WLS: variants seen among roughly 807,000 people sequenced by gnomAD.
The protein encoded by WLS is protein wntless homolog.
Under a neutral mutation model 62.8 loss-of-function variants are expected in WLS, and 23 were observed. That is an observed-to-expected ratio of 0.37 (90% CI 0.26 to 0.52). The LOEUF (loss-of-function observed/expected upper bound fraction) is 0.52, where lower values mean the gene tolerates loss of function less well. WLS is among the 20% of genes least tolerant of loss of function. WLS has a pLI of 0.92. For synonymous variants in WLS, 246 were observed against 244.1 expected (o/e 1.01, Z -0.07); for missense variants, 615 against 697.3 (o/e 0.88, Z 1.33).
At chr1:68,194,320 C>G (rs1648542231) in intron 1 of WLS, 93 bp from the exon 2 acceptor site, 3 of 1,467,594 alleles carry the variant, frequency 2.0e-6, no homozygotes, top group East Asian at 2.4e-5. Context: ...TTCCCTCCAG[C>G]TTTTGTATCG....
intron 11 of WLS, among the ~76,000 whole-genome samples, chr1:68,102,426 T>G (rs951251820): frequency 1.1e-4 from 17 of 152,116 alleles, no homozygotes; most frequent in Non-Finnish European, 2.2e-4. Flanking sequence ...GGTTGATGTC[T>G]CTCTTCTTGC....
chr1:68,142,326 A>G (rs1646697515), intron 10 of WLS, among the ~76,000 whole-genome samples: 1 of 152,172 alleles, frequency 6.6e-6, no homozygotes, highest in South Asian at 2.1e-4. Flanking sequence ...TCCTAAAAAC[A>G]TATCTTGAAA....
rs61044510 is a variant in WLS at position 68,106,982 on chromosome 1, G to A, written c.1511-8229C>T. Among the ~76,000 whole-genome samples, 710 of 152,198 alleles carry A rather than the reference G, an allele frequency of 4.7e-3. 3 individuals are homozygous for A. The highest frequency in any genetic ancestry group is 0.015 in the African/African-American group (630 of 41,538). ...TGCATTTGAACGTGTATATTCCAATGTTTTCTGCTTTTAAATTTAAAAGCT... is the reference window on the plus strand; with the variant it reads ...TGCATTTGAACGTGTATATTCCAATATTTTCTGCTTTTAAATTTAAAAGCT... On this transcript the variant is annotated intron_variant, in intron 11 of 11. Transcript: ENST00000354777.
intron 3 of WLS, among the ~76,000 whole-genome samples, chr1:68,156,183 G>A (rs1011536331): frequency 6.6e-6 from 1 of 152,132 alleles, no homozygotes; most frequent in Non-Finnish European, 1.5e-5. Context: ...TCAGCAGGCC[G>A]GGACTTTTCC....
intron 11 of WLS, among the ~76,000 whole-genome samples, chr1:68,112,090 G>T (rs1427619029): frequency 6.6e-6 from 1 of 152,232 alleles, no homozygotes; most frequent in African/African-American, 2.4e-5. Context: ...TTCGCTGGCT[G>T]TGGCTTGAGC....
chr1:68,135,311 T>G (rs1646592065), intron 11 of WLS, among the ~76,000 whole-genome samples: 1 of 140,732 alleles, frequency 7.1e-6, no homozygotes, highest in East Asian at 2.1e-4. Context: ...CTGGCTTTTT[T>G]TTTTTTTTTT....
chr1:68,197,228 T>C (rs922342365), intron 1 of WLS, among the ~76,000 whole-genome samples: 4 of 152,068 alleles, frequency 2.6e-5, no homozygotes, highest in African/African-American at 9.7e-5. Flanking sequence ...GGTCACAAAG[T>C]CCGCATTTTT....
At chr1:68,145,468 C>A (rs947188326) in intron 9 of WLS, among the ~76,000 whole-genome samples, 12 of 152,106 alleles carry the variant, frequency 7.9e-5, no homozygotes, top group African/African-American at 2.7e-4. Context: ...GAAATCAGAT[C>A]ACGTGGGCTA....
chr1:68,179,065 T>C (rs546140994), intron 2 of WLS, among the ~76,000 whole-genome samples: 18 of 152,064 alleles, frequency 1.2e-4, no homozygotes, highest in Admixed American at 5.9e-4. Context: ...ACCTAAGGAG[T>C]AGAAATGAAC....
intron 11 of WLS, among the ~76,000 whole-genome samples, chr1:68,129,443 T>C (rs1646485719): frequency 2.0e-5 from 3 of 152,252 alleles, no homozygotes; most frequent in Admixed American, 2.0e-4. Context: ...AGAGCTGTTA[T>C]AAATTTATGA....
At chr1:68,103,217 C>T (rs934158942) in intron 11 of WLS, among the ~76,000 whole-genome samples, 3 of 152,150 alleles carry the variant, frequency 2.0e-5, no homozygotes, top group Non-Finnish European at 4.4e-5. Context: ...AAGACGGTTG[C>T]TAGGGAAACC....
At chr1:68,166,520 C>G (rs1349639650) in intron 2 of WLS, among the ~76,000 whole-genome samples, 1 of 152,228 alleles carries the variant, frequency 6.6e-6, no homozygotes, top group Admixed American at 6.5e-5. Flanking sequence ...CCCCACTGCA[C>G]TCTACTACCT....
chr1:68,215,524 C>T (rs1417181051), intron 1 of WLS, among the ~76,000 whole-genome samples: 4 of 152,014 alleles, frequency 2.6e-5, no homozygotes, highest in Non-Finnish European at 4.4e-5. Context: ...TTATCACTGA[C>T]CATCAAAATC....
At chr1:68,213,324 G>A (rs1421256703) in intron 1 of WLS, among the ~76,000 whole-genome samples, 8 of 151,688 alleles carry the variant, frequency 5.3e-5, no homozygotes, top group Non-Finnish European at 8.8e-5. Flanking sequence ...GGTGGTAGGC[G>A]CCTGTAATCC....
At chr1:68,161,754 C>T (rs61771347) in intron 2 of WLS, 1 of 1,591,234 alleles carries the variant, frequency 6.3e-7, no homozygotes, top group East Asian at 2.2e-5. Context: ...GCATTCTCTG[C>T]TATTGCTCGT....
chr1:68,194,375 C>G, intron 1 of WLS, 148 bp from the exon 2 acceptor site: 1 of 1,057,304 alleles, frequency 9.5e-7, no homozygotes, highest in African/African-American at 1.6e-5. Flanking sequence ...TCTTCCAAAT[C>G]TGGGTGAGGA....
downstream of WLS, among the ~76,000 whole-genome samples, chr1:68,123,083 T>C (rs1646383403): frequency 6.6e-6 from 1 of 152,160 alleles, no homozygotes; most frequent in Admixed American, 6.5e-5. Context: ...CAAACTTAGT[T>C]CACTTCCCTG....
Position 68,155,520 on chromosome 1 carries a change from A to G in WLS, c.505-260T>C, listed in dbSNP as rs1344979972. Among the ~76,000 whole-genome samples, 3 of 152,190 alleles carry G rather than the reference A, an allele frequency of 2.0e-5. No individual in the cohort carries two copies. The East Asian group carries it at 5.8e-4, about 29-fold the overall frequency. ...GAAATTTTAGGTAGAAAGCAGAGAT[A>G]CCTTCCTTCTATCTCCTAACACCTT... On this transcript the variant is annotated intron_variant, in intron 3 of 11. Transcript: ENST00000262348.
intron 1 of WLS, among the ~76,000 whole-genome samples, chr1:68,198,997 A>C (rs574368842): frequency 1.6e-4 from 25 of 152,330 alleles, no homozygotes; most frequent in Admixed American, 7.2e-4. Flanking sequence ...AGCATTTATC[A>C]TGCTTAAAAT....
Sources: allele counts gnomAD v4.1 joint callset (sites outside exome capture counted in the v4.1 genomes callset), GRCh38; gene constraint gnomAD v4.1.1; transcripts MANE v1.5; gene names NCBI Gene and HGNC (gene_info 2026-07-23, HGNC 2026-07-21).